Variants in MYT1L observed in about 807,000 individuals in gnomAD.
MYT1L encodes the protein myelin transcription factor 1 like, also known as myelin transcription factor 1-like protein.
In MYT1L, 12 loss-of-function variants were observed where a neutral mutation model predicts 126.7. That is an observed-to-expected ratio of 0.09 (90% CI 0.06 to 0.15). The LOEUF (loss-of-function observed/expected upper bound fraction) is 0.15. MYT1L is among the 10% of genes least tolerant of loss of function. The pLI is 1.00. For synonymous variants in MYT1L, 541 were observed against 604.2 expected (o/e 0.90, Z 1.53); for missense variants, 979 against 1,585.2 (o/e 0.62, Z 6.49).
chr2:2,105,338 C>A (rs1489835521), intron 3 of MYT1L, among the ~76,000 whole-genome samples: 2 of 152,166 alleles, frequency 1.3e-5, no homozygotes, highest in African/African-American at 2.4e-5. Context: ...GCTTTCCACA[C>A]TAGCAACTGC....
chr2:2,008,931 G>A (rs1484391443), intron 4 of MYT1L, among the ~76,000 whole-genome samples: 1 of 151,998 alleles, frequency 6.6e-6, no homozygotes, highest in African/African-American at 2.4e-5. Flanking sequence ...ACGGTTTATT[G>A]AAGGGACTGT....
At chr2:1,961,029 C>A (rs1055729863) in intron 8 of MYT1L, among the ~76,000 whole-genome samples, 1 of 152,186 alleles carries the variant, frequency 6.6e-6, no homozygotes, top group South Asian at 2.1e-4. Flanking sequence ...GAGAGCTGTG[C>A]GTGCAGTTAG....
At chr2:2,069,071 AT>A (rs200799957) in intron 3 of MYT1L, among the ~76,000 whole-genome samples, 7 of 149,944 alleles carry the variant, frequency 4.7e-5, no homozygotes, top group African/African-American at 4.9e-5. Context: ...TTTGGGCAAC[AT>A]TTTTTTTTCT....
intron 2 of MYT1L, among the ~76,000 whole-genome samples, chr2:2,261,782 G>A (rs929051943): frequency 1.3e-5 from 2 of 152,192 alleles, no homozygotes; most frequent in South Asian, 4.1e-4. Context: ...TGAAAGTAAA[G>A]CCTAAGTCAG....
chr2:1,932,389 T>C (rs936837553), intron 9 of MYT1L, among the ~76,000 whole-genome samples: 3 of 152,146 alleles, frequency 2.0e-5, no homozygotes, highest in African/African-American at 4.8e-5. Context: ...ATGATCACAA[T>C]TTTGCACAAC....
intron 2 of MYT1L, among the ~76,000 whole-genome samples, chr2:2,173,759 C>T (rs907486453): frequency 1.3e-5 from 2 of 152,256 alleles, no homozygotes; most frequent in African/African-American, 4.8e-5. Context: ...TATTAAAGTG[C>T]GTCTATGGCA....
At chr2:2,140,230 A>G (rs1323904319) in intron 3 of MYT1L, among the ~76,000 whole-genome samples, 1 of 152,136 alleles carries the variant, frequency 6.6e-6, no homozygotes, top group Non-Finnish European at 1.5e-5. Context: ...ATTAAATAAA[A>G]TGTTTTTTAA....
intron 3 of MYT1L, among the ~76,000 whole-genome samples, chr2:2,124,499 T>G (rs1553494361): frequency 6.6e-6 from 1 of 152,204 alleles, no homozygotes; most frequent in Non-Finnish European, 1.5e-5. Flanking sequence ...TTTCACCATG[T>G]TGCCCAGGCT....
intron 1 of MYT1L, among the ~76,000 whole-genome samples, chr2:2,296,900 C>G (rs188407289): frequency 1.4e-3 from 218 of 152,272 alleles, no homozygotes; most frequent in African/African-American, 5.1e-3. Context: ...TAGCAATGCC[C>G]CTGGTGCACA....
chr2:1,803,227 G>A (rs1159504941), intron 22 of MYT1L, among the ~76,000 whole-genome samples: 3 of 152,262 alleles, frequency 2.0e-5, no homozygotes, highest in South Asian at 4.2e-4. Flanking sequence ...AATTATGAAC[G>A]AACGTATCAT....
At chr2:2,199,828 C>T (rs985195377) in intron 2 of MYT1L, among the ~76,000 whole-genome samples, 3 of 152,192 alleles carry the variant, frequency 2.0e-5, no homozygotes, top group African/African-American at 7.2e-5. Flanking sequence ...ACACACAAAC[C>T]TGCTTCCCAC....
intron 3 of MYT1L, among the ~76,000 whole-genome samples, chr2:2,139,096 C>T (rs1575435974): frequency 1.3e-5 from 2 of 151,978 alleles, no homozygotes; most frequent in Admixed American, 1.3e-4. Context: ...ACACCGAGAC[C>T]AGCATCTGGT....
At chr2:1,911,255 A>G (rs1397851564) in intron 12 of MYT1L, among the ~76,000 whole-genome samples, 3 of 152,210 alleles carry the variant, frequency 2.0e-5, no homozygotes, top group Non-Finnish European at 2.9e-5. Flanking sequence ...CAGGTTTGCC[A>G]GTCAGACAAG....
At chr2:2,324,708 C>A (rs1281928746) in intron 1 of MYT1L, 3 of 152,692 alleles carry the variant, frequency 2.0e-5, no homozygotes, top group Admixed American at 2.0e-4. Flanking sequence ...ATCAGGCTCA[C>A]GCTCCCTTAG....
At chr2:1,954,773 G>A (rs905951633) in intron 8 of MYT1L, among the ~76,000 whole-genome samples, 2 of 152,020 alleles carry the variant, frequency 1.3e-5, no homozygotes, top group South Asian at 4.2e-4. Flanking sequence ...TTATAAAAAT[G>A]TATGATTCTG....
At chr2:1,899,621 C>G (rs1183450077) in intron 14 of MYT1L, among the ~76,000 whole-genome samples, 1 of 152,226 alleles carries the variant, frequency 6.6e-6, no homozygotes, top group Non-Finnish European at 1.5e-5. Flanking sequence ...GGTCTCCGTC[C>G]TGGCCTCCAG....
At chr2:2,107,463 C>A (rs1283151699) in intron 3 of MYT1L, among the ~76,000 whole-genome samples, 2 of 152,198 alleles carry the variant, frequency 1.3e-5, no homozygotes, top group Admixed American at 6.5e-5. Flanking sequence ...AGCTCTCTGA[C>A]GCATTACAGA....
chr2:1,896,335 G>C (rs1301368011), intron 14 of MYT1L, among the ~76,000 whole-genome samples: 3 of 152,186 alleles, frequency 2.0e-5, no homozygotes, highest in Non-Finnish European at 4.4e-5. Flanking sequence ...CTGTTACTGA[G>C]ATTTACCCAA....
At chr2:1,911,406 C>T (rs934290866) in intron 12 of MYT1L, among the ~76,000 whole-genome samples, 15 of 152,168 alleles carry the variant, frequency 9.9e-5, no homozygotes, top group African/African-American at 2.4e-4. Context: ...CAGATAAGAA[C>T]GCAATATTAT....
Sources: gnomAD v4.1 joint callset for allele counts (sites outside exome capture counted in the v4.1 genomes callset) on GRCh38, gnomAD v4.1.1 for gene constraint, MANE v1.5 for transcripts, NCBI Gene and HGNC (gene_info 2026-07-23, HGNC 2026-07-21) for gene names.